The following GRIK5 variants were observed in gnomAD, a reference collection of about 807,000 sequenced individuals.
GRIK5 encodes glutamate ionotropic receptor kainate type subunit 5, also known as glutamate receptor ionotropic, kainate 5.
Under a neutral mutation model 97.4 loss-of-function variants are expected in GRIK5, and 43 were observed. That is an observed-to-expected ratio of 0.44 (90% CI 0.35 to 0.57). The LOEUF is 0.57. Among genes scored for constraint, GRIK5 ranks in the 20% least tolerant of loss-of-function variants. The pLI, the probability that GRIK5 is intolerant of heterozygous loss-of-function variation, is 0.01. For missense variants in GRIK5, 1,015 were observed against 1,382.0 expected, an observed-to-expected ratio of 0.73 and a Z score of 4.21; for synonymous variants, 580 against 583.5, an observed-to-expected ratio of 0.99 and a Z score of 0.09.
chr19:42,065,778 C>T lies in GRIK5; in HGVS notation c.-8G>A. ...CAGCAGCTCAGCCGGCATCTTCCTC[C>T]CCTCCTCATGGGGACGCAGCTGCCG... On this transcript the variant is annotated 5_prime_UTR_variant, in exon 2 of 20. Transcript: ENST00000593562. The surrounding 1 kb of genome is among the most constrained non-coding windows in gnomAD (Gnocchi z 5.8). 3 of 1,573,420 alleles carry T rather than the reference C, an allele frequency of 1.9e-6. No homozygotes were observed. The highest frequency in any genetic ancestry group is 2.6e-6 in the Non-Finnish European group (3 of 1,162,310).
chr19:42,055,345 G>A (rs1323672168), intron 8 of GRIK5, among the ~76,000 whole-genome samples: 1 of 152,202 alleles, frequency 6.6e-6, no homozygotes, highest in African/African-American at 2.4e-5. Context: ...TGGACAGCTT[G>A]GTGTCCATGT....
chr19:42,007,981 A>G (rs1555873097), intron 15 of GRIK5, among the ~76,000 whole-genome samples: 1 of 152,204 alleles, frequency 6.6e-6, no homozygotes, highest in Non-Finnish European at 1.5e-5. Context: ...AAAAGTTTAT[A>G]AATACTCTGT....
Position 42,003,470 on chromosome 19 carries a change from G to T in GRIK5, c.2393-17C>A. On this transcript the variant is annotated splice_polypyrimidine_tract_variant and intron_variant, in intron 18 of 19. Transcript: ENST00000593562. The surrounding 1 kb of genome is among the most constrained non-coding windows in gnomAD (Gnocchi z 4.2). ...TGCCCAAACCTGGAGGGCGAAGGGA[G>T]TTGGGGGGCAAAGGGAGTTGGGGCT... 1 of 1,613,346 alleles carries T rather than the reference G, an allele frequency of 6.2e-7. No homozygotes were observed. The highest frequency in any genetic ancestry group is 1.3e-5 in the African/African-American group (1 of 75,036).
intron 15 of GRIK5, among the ~76,000 whole-genome samples, chr19:42,012,333 C>A (rs566995506): frequency 6.6e-6 from 1 of 152,154 alleles, no homozygotes; most frequent in East Asian, 1.9e-4. Flanking sequence ...TTACTGCAAC[C>A]TCTGCCTCCC....
intron 1 of GRIK5, among the ~76,000 whole-genome samples, chr19:42,066,951 A>C (rs2076342470): frequency 6.6e-6 from 1 of 152,114 alleles, no homozygotes; most frequent in African/African-American, 2.4e-5. Context: ...GGGGAGAAGA[A>C]GTAAAGGGGG....
chr19:42,046,597 C>T (rs1328507524), intron 11 of GRIK5, among the ~76,000 whole-genome samples: 3 of 152,084 alleles, frequency 2.0e-5, no homozygotes, highest in African/African-American at 4.8e-5. Flanking sequence ...AAAAGATTAT[C>T]GATGTCATAA....
chr19:41,999,432 C>T lies in GRIK5; in HGVS notation c.2515-133G>A. ...TTCCTTCTGCCCTCGCTTCCCTTCC[C>T]ACTTCTCTTCCCTTTATCTCCCCCG... On this transcript the variant is annotated intron_variant, in intron 19 of 19. Coordinates refer to ENST00000593562, the MANE Select transcript of GRIK5 (RefSeq NM_002088.5). This position sits in a 1 kb window ranked among gnomAD's most constrained non-coding sequence, Gnocchi z 5.0. 1 of 654,666 alleles carries T rather than the reference C, an allele frequency of 1.5e-6. No individual in the cohort carries two copies. The highest frequency in any genetic ancestry group is 3.4e-5 in the Admixed American group (1 of 28,986). The allele number at this position is 654,666 out of a possible 1,614,324, so 40.6% of individuals were successfully genotyped here.
At chr19:42,033,948 C>T (rs191730955) in intron 12 of GRIK5, among the ~76,000 whole-genome samples, 152 of 152,198 alleles carry the variant, frequency 1.0e-3, no homozygotes, top group African/African-American at 3.5e-3. Flanking sequence ...CGCAGTGAGC[C>T]GTGGTCGTGC....
At chr19:42,069,062 A>G in intron 1 of GRIK5, 179 bp downstream of exon 1, 1 of 462,848 alleles carries the variant, frequency 2.2e-6, no homozygotes, top group Non-Finnish European at 3.8e-6. Flanking sequence ...AAGAGGTGAG[A>G]AGAGGTCGAG....
chr19:42,053,235 C>A (rs571250154), intron 11 of GRIK5, among the ~76,000 whole-genome samples: 1 of 152,164 alleles, frequency 6.6e-6, no homozygotes, highest in South Asian at 2.1e-4. Flanking sequence ...CAAGTCGCCT[C>A]CCCTCTCTGA....
At chr19:42,020,104 G>A (rs533933259) in intron 15 of GRIK5, among the ~76,000 whole-genome samples, 1 of 151,506 alleles carries the variant, frequency 6.6e-6, no homozygotes, top group Admixed American at 6.6e-5. Context: ...TCCTCTACAG[G>A]GTTATAATTT....
chr19:42,069,721 G>A lies in GRIK5; in HGVS notation c.-531C>T, dbSNP rs1378238914. Among the ~76,000 whole-genome samples the A allele has an allele frequency of 1.3e-5, 2 of 151,442 alleles. No homozygotes were observed. Among genetic ancestry groups the A allele is most frequent in the Non-Finnish European group, 3.0e-5 (2 of 67,688 alleles). The stretch of plus-strand genomic sequence containing the variant: ...CGGCCATCAGGAGAAGTGGGGGAGG[G>A]GAGGGCCTGCTGGGGGAGGGGGCCG... On this transcript the variant is annotated 5_prime_UTR_variant, in exon 1 of 20. Transcript: ENST00000593562.
chr19:42,018,777 G>A (rs998047745), intron 15 of GRIK5, among the ~76,000 whole-genome samples: 3 of 148,790 alleles, frequency 2.0e-5, no homozygotes, highest in African/African-American at 7.4e-5. Flanking sequence ...GGCTGAGGGG[G>A]CCCTGGAGAG....
chr19:42,061,205 AC>A (rs2076254648), intron 5 of GRIK5, among the ~76,000 whole-genome samples: 2 of 152,000 alleles, frequency 1.3e-5, no homozygotes, highest in Admixed American at 1.3e-4. Flanking sequence ...CCGCCACCAC[AC>A]CCGGCTAACT....
In GRIK5 at chr19:42,054,485, A is replaced by G. The variant is rs1320419685; in HGVS notation, c.904-13T>C. On this transcript the variant is annotated splice_polypyrimidine_tract_variant and intron_variant, in intron 8 of 19. Transcript: ENST00000593562. ...GGGCGGCTGACAGCTGCGGTGGGAC[A>G]GAGGCGGGGGTGGGATGGATAAGAG... The G allele has an allele frequency of 6.2e-7, 1 of 1,609,386 alleles. No homozygotes were observed. The highest frequency in any genetic ancestry group is 1.3e-5 in the African/African-American group (1 of 74,880).
chr19:42,025,607 T>C (rs1473892816), intron 12 of GRIK5, among the ~76,000 whole-genome samples: 1 of 152,092 alleles, frequency 6.6e-6, no homozygotes, highest in Non-Finnish European at 1.5e-5. Flanking sequence ...ACACAGCCTC[T>C]CCCTCACCCC....
At position 42,022,617 on chromosome 19, in the gene GRIK5, T is replaced by A. The variant is rs1225331824; in HGVS notation, c.1474-263A>T. On this transcript the variant is annotated intron_variant, in intron 12 of 19. Coordinates refer to ENST00000593562, the MANE Select transcript of GRIK5 (RefSeq NM_002088.5). The surrounding 1 kb of genome is among the most constrained non-coding windows in gnomAD (Gnocchi z 4.2). Reference sequence around the variant, plus strand: ...CCTAGGCCTCAACTGTGTCCCAGCATCAAGGGCTGGGGATGGAGGGGTTCC... The same window carrying A: ...CCTAGGCCTCAACTGTGTCCCAGCAACAAGGGCTGGGGATGGAGGGGTTCC... 1.0e-6 allele frequency: 1 copy of A among 984,370 alleles called. No homozygotes were observed. The highest frequency in any genetic ancestry group is 1.2e-6 in the Non-Finnish European group (1 of 829,452). The allele number at this position is 984,370 out of a possible 1,614,324, so 61.0% of individuals were successfully genotyped here. A position where few individuals can be genotyped will look rare whatever the true frequency, so the allele number is the denominator to read the frequency against.
chr19:42,009,073 A>C (rs1456949147), intron 15 of GRIK5, among the ~76,000 whole-genome samples: 2 of 151,928 alleles, frequency 1.3e-5, no homozygotes, highest in Non-Finnish European at 2.9e-5. Flanking sequence ...CAGAAAAATA[A>C]AAAAATTAGA....
chr19:42,028,746 T>G (rs757783494), intron 12 of GRIK5, among the ~76,000 whole-genome samples: 1 of 152,200 alleles, frequency 6.6e-6, no homozygotes, highest in Non-Finnish European at 1.5e-5. Flanking sequence ...CCATGACACC[T>G]GAGAGTGAGG....
Sources: gnomAD v4.1 joint callset for allele counts (sites outside exome capture counted in the v4.1 genomes callset) on GRCh38, gnomAD v4.1.1 for gene constraint, Gnocchi (gnomAD v3.1) non-coding constraint, MANE v1.5 for transcripts, NCBI Gene and HGNC (gene_info 2026-07-23, HGNC 2026-07-21) for gene names.